SH3YL1: variants seen among roughly 807,000 people sequenced by gnomAD.
SH3YL1 encodes SH3 and SYLF domain containing 1.
In SH3YL1, 41 loss-of-function variants were observed where a neutral mutation model predicts 45.8. The ratio of observed to expected loss-of-function variants is 0.89; its 90% CI spans 0.70 to 1.16. The LOEUF is 1.16. Among genes scored for constraint, SH3YL1 ranks in the 50% most tolerant of loss-of-function variants. SH3YL1 has a pLI of 0.00. For synonymous variants in SH3YL1, 152 were observed against 151.4 expected (o/e 1.00, Z -0.03); for missense variants, 389 against 409.6 (o/e 0.95, Z 0.43).
intron 8 of SH3YL1, among the ~76,000 whole-genome samples, chr2:226,989 T>A (rs1667811109): frequency 6.6e-6 from 1 of 151,966 alleles, no homozygotes; most frequent in Non-Finnish European, 1.5e-5. Context: ...GGGGAATGCA[T>A]ATGGTGGGTA....
Position 218,602 on chromosome 2 carries a change from C to G in SH3YL1, c.*209G>C. Reference sequence around the variant, plus strand: ...ATAAACTGTATGATATTCTATGACACAGTAAGTGTGATAAAGTTAGTACAA... The same window carrying G: ...ATAAACTGTATGATATTCTATGACAGAGTAAGTGTGATAAAGTTAGTACAA... On this transcript the variant is annotated 3_prime_UTR_variant, in exon 10 of 10. Coordinates refer to ENST00000356150, the MANE Select transcript of SH3YL1 (RefSeq NM_015677.4). 3.9e-6 allele frequency: 2 copies of G among 516,988 alleles called. No homozygotes were observed. Among genetic ancestry groups the G allele is most frequent in the South Asian group, 3.2e-5 (1 of 30,968 alleles). 32.0% of individuals were successfully genotyped at this position (516,988 alleles called of 1,614,324 possible).
intron 1 of SH3YL1, chr2:260,955 T>C (rs925505882): frequency 7.9e-5 from 12 of 152,356 alleles, no homozygotes; most frequent in African/African-American, 2.9e-4. Context: ...CTCACACGGC[T>C]GCAGACCGCA....
rs1286470290 is a variant in SH3YL1 at position 233,157 on chromosome 2, A to C, written c.477T>G (p.Phe159Leu). The change falls in exon 6 of 10, where the codon TTT becomes TTG. Residue 159 changes from phenylalanine to leucine, a missense_variant. Transcript: ENST00000356150. ...VFTYCKSRGL[F>L]AGVSLEGSCL... ...AGCTCCCTTCTAAAGACACGCCTGCAAAGAGTCCCCTTGACTTGCAGTACG... is the reference window on the plus strand; with the variant it reads ...AGCTCCCTTCTAAAGACACGCCTGCCAAGAGTCCCCTTGACTTGCAGTACG... 2 of 1,600,568 alleles carry C rather than the reference A, an allele frequency of 1.2e-6. No homozygotes were observed. Among genetic ancestry groups the C allele is most frequent in the Non-Finnish European group, 1.7e-6 (2 of 1,172,176 alleles).
chr2:263,895 C>T, intron 1 of SH3YL1, 89 bp downstream of exon 1: 1 of 1,154,174 alleles, frequency 8.7e-7, no homozygotes, highest in Non-Finnish European at 1.3e-6. Context: ...CCAGAGGCAT[C>T]GCCGGTTTTC....
Position 218,879 on chromosome 2 carries a change from C to A in SH3YL1, c.961G>T (p.Asp321Tyr). The A allele has an allele frequency of 6.2e-7, 1 of 1,614,068 alleles. No homozygotes were observed. Among genetic ancestry groups the A allele is most frequent in the South Asian group, 1.1e-5 (1 of 91,068 alleles). The change falls in exon 10 of 10, where the codon GAT becomes TAT. Residue 321 changes from aspartate (D) to tyrosine (Y), a missense_variant. Transcript: ENST00000356150. ...CCTCGAAGTTTTCCTTCCCACCAAT[C>A]AAAATGTGAATCTGTTTTTGATATA... ...TVISKTDSHF[D>Y]WWEGKLRGQT...
At chr2:225,017 A>G (rs1227837002) in intron 8 of SH3YL1, 97 bp from the exon 9 acceptor site, 1 of 875,658 alleles carries the variant, frequency 1.1e-6, no homozygotes, top group Non-Finnish European at 1.9e-6. Flanking sequence ...CTGAGCAAAT[A>G]TTTTAAATCA....
At chr2:255,081 G>C (rs1420200961) in intron 1 of SH3YL1, among the ~76,000 whole-genome samples, 3 of 152,132 alleles carry the variant, frequency 2.0e-5, no homozygotes, top group Non-Finnish European at 4.4e-5. Context: ...CACGTCATCA[G>C]GACCTCCTGA....
chr2:231,308 T>C, intron 6 of SH3YL1, 117 bp from the exon 7 acceptor site: 1 of 746,492 alleles, frequency 1.3e-6, no homozygotes, highest in Non-Finnish European at 2.1e-6. Flanking sequence ...TAGCACTTCA[T>C]ATACACTACT....
At chr2:221,069 G>A (rs188217136) in intron 9 of SH3YL1, among the ~76,000 whole-genome samples, 1 of 152,114 alleles carries the variant, frequency 6.6e-6, no homozygotes, top group Non-Finnish European at 1.5e-5. Flanking sequence ...ACCGCCCACT[G>A]CAATGAGCCA....
At chr2:232,954 G>C in intron 6 of SH3YL1, 147 bp downstream of exon 6, 1 of 541,738 alleles carries the variant, frequency 1.8e-6, no homozygotes, top group Non-Finnish European at 2.8e-6. Flanking sequence ...TATATTATTT[G>C]TATATTTAAT....
At chr2:264,341 C>A (rs1280326147), upstream of SH3YL1, 10 of 276,238 alleles carry the variant, frequency 3.6e-5, no homozygotes, top group African/African-American at 1.8e-4. Flanking sequence ...AGGTTCCCCG[C>A]GTGACCCGCC....
chr2:223,893 A>G (rs1667684755), intron 9 of SH3YL1, among the ~76,000 whole-genome samples: 1 of 152,196 alleles, frequency 6.6e-6, no homozygotes, highest in South Asian at 2.1e-4. Flanking sequence ...GGCTCCCAGA[A>G]GGGGAGGCCA....
intron 7 of SH3YL1, chr2:230,699 G>A (rs1398305272): frequency 6.6e-6 from 2 of 303,308 alleles, no homozygotes; most frequent in Non-Finnish European, 1.2e-5. Flanking sequence ...GGTAGAGAGG[G>A]GGTTTTGCCA....
chr2:256,126 A>T lies in SH3YL1; in HGVS notation c.2-3011T>A, dbSNP rs531252556. The T allele has an allele frequency of 2.0e-5, 3 of 152,330 alleles. 1 individual carries two copies. In the South Asian group the frequency reaches 6.2e-4, roughly 32 times the overall value. The allele number at this position is 152,330 out of a possible 1,614,324, so 9.4% of individuals were successfully genotyped here. On this transcript the variant is annotated intron_variant, in intron 1 of 9. Transcript: ENST00000356150. ...GGTTAGTGCCAATCTGATTTCTGTC[A>T]TTAAGTATGAATTTTGTCTGTGCCA... is the stretch of plus-strand genomic sequence containing the variant.
intron 4 of SH3YL1, among the ~76,000 whole-genome samples, chr2:239,180 G>A (rs113039391): frequency 5.9e-5 from 9 of 152,306 alleles, no homozygotes; most frequent in African/African-American, 2.2e-4. Flanking sequence ...TTAAGAACAG[G>A]CCATTAATGA....
intron 2 of SH3YL1, among the ~76,000 whole-genome samples, chr2:251,536 G>C (rs764723167): frequency 5.3e-5 from 8 of 152,108 alleles, no homozygotes; most frequent in Non-Finnish European, 8.8e-5. Flanking sequence ...CACTGAGACG[G>C]GCTCCTTCAG....
intron 4 of SH3YL1, chr2:241,382 A>T (rs1027006340): frequency 1.3e-5 from 2 of 152,134 alleles, no homozygotes; most frequent in Non-Finnish European, 2.9e-5. Context: ...AATGAAGAAA[A>T]ATTGACAGAA....
chr2:242,729 C>CAGT (rs2103038702), intron 4 of SH3YL1: 1 of 1,044,816 alleles, frequency 9.6e-7, no homozygotes, highest in East Asian at 4.0e-5. Flanking sequence ...GATAAAACAA[C>CAGT]AATAACAACA....
intron 3 of SH3YL1, among the ~76,000 whole-genome samples, chr2:248,925 A>G (rs1354363958): frequency 1.3e-5 from 2 of 152,220 alleles, no homozygotes; most frequent in Non-Finnish European, 2.9e-5. Context: ...ATACCTTGGT[A>G]AGAAATGGTG....
Sources: gnomAD v4.1 joint callset for allele counts (sites outside exome capture counted in the v4.1 genomes callset) on GRCh38, gnomAD v4.1.1 for gene constraint, MANE v1.5 for transcripts, NCBI Gene and HGNC (gene_info 2026-07-23, HGNC 2026-07-21) for gene names.